Variants in ITGA4 observed in about 807,000 individuals in gnomAD.
ITGA4 encodes integrin subunit alpha 4, also known as integrin alpha-4.
In ITGA4, 63 loss-of-function variants were observed where a neutral mutation model predicts 133.6. The observed-to-expected ratio is 0.47, with a 90% confidence interval of 0.38 to 0.58. ITGA4 has a LOEUF of 0.58. Among genes scored for constraint, ITGA4 ranks in the 20% least tolerant of loss-of-function variants. ITGA4 has a pLI of 0.00. For synonymous variants in ITGA4, 483 were observed against 438.0 expected (o/e 1.10, Z -1.28); for missense variants, 1,076 against 1,252.7 (o/e 0.86, Z 2.13).
At chr2:181,499,230 C>T (rs773615734) in intron 15 of ITGA4, among the ~76,000 whole-genome samples, 9 of 152,034 alleles carry the variant, frequency 5.9e-5, no homozygotes, top group African/African-American at 1.9e-4. Flanking sequence ...TCTTTGTTTC[C>T]GTGCCAGCTT....
intron 25 of ITGA4, among the ~76,000 whole-genome samples, chr2:181,532,968 G>A (rs1686975118): frequency 6.6e-6 from 1 of 152,062 alleles, no homozygotes; most frequent in African/African-American, 2.4e-5. Flanking sequence ...TTTTATTGAA[G>A]CCCTTTTATT....
intron 8 of ITGA4, 30 bp from the exon 9 acceptor site, chr2:181,482,484 A>T: frequency 6.2e-7 from 1 of 1,613,372 alleles, no homozygotes; most frequent in Non-Finnish European, 8.5e-7. Context: ...CTTTTTTCTC[A>T]ATGAGTGGAT....
intron 25 of ITGA4, among the ~76,000 whole-genome samples, chr2:181,532,693 A>G (rs1686968185): frequency 1.3e-5 from 2 of 152,180 alleles, no homozygotes; most frequent in Non-Finnish European, 2.9e-5. Context: ...TCACCTGCAA[A>G]CAATTTGACT....
chr2:181,459,100 T>G (rs1023948770), intron 2 of ITGA4: 1 of 152,352 alleles, frequency 6.6e-6, no homozygotes, highest in East Asian at 1.9e-4. Context: ...TATATATTGC[T>G]TAACTTTTTT....
intron 9 of ITGA4, among the ~76,000 whole-genome samples, chr2:181,484,405 C>T (rs977117317): frequency 2.0e-5 from 3 of 152,114 alleles, no homozygotes; most frequent in African/African-American, 7.2e-5. Flanking sequence ...TGAAACTCTC[C>T]TTCCAGAACT....
At chr2:181,470,877 T>C (rs1315974810) in intron 2 of ITGA4, among the ~76,000 whole-genome samples, 1 of 151,898 alleles carries the variant, frequency 6.6e-6, no homozygotes, top group Non-Finnish European at 1.5e-5. Flanking sequence ...CCTATCTCCC[T>C]AAAAAATAAA....
At chr2:181,505,361 T>C (rs1195423169) in intron 15 of ITGA4, among the ~76,000 whole-genome samples, 1 of 152,034 alleles carries the variant, frequency 6.6e-6, no homozygotes, top group Non-Finnish European at 1.5e-5. Context: ...GTTGCTCAGC[T>C]CTCAAGTTGG....
At chr2:181,472,814 C>T (rs1460986163) in intron 2 of ITGA4, among the ~76,000 whole-genome samples, 1 of 152,108 alleles carries the variant, frequency 6.6e-6, no homozygotes, top group Non-Finnish European at 1.5e-5. Context: ...TCTGTTTTCC[C>T]CTTCTCTTTT....
At chr2:181,458,341 G>T (rs377469804) in intron 2 of ITGA4, 24 bp downstream of exon 2, 62 of 1,605,114 alleles carry the variant, frequency 3.9e-5, no homozygotes, top group Non-Finnish European at 5.1e-5. Context: ...GGGACCAGGA[G>T]TTAGTGACCT....
chr2:181,498,039 CAG>C (rs1686190166), intron 14 of ITGA4, among the ~76,000 whole-genome samples: 1 of 151,804 alleles, frequency 6.6e-6, no homozygotes, highest in Non-Finnish European at 1.5e-5. Context: ...CAATAACACA[CAG>C]AGGAAGGACA....
chr2:181,479,017 G>C (rs1685743774), intron 5 of ITGA4, 193 bp downstream of exon 5: 5 of 387,644 alleles, frequency 1.3e-5, no homozygotes, highest in Admixed American at 8.5e-5. Flanking sequence ...TCAATATTTA[G>C]GTGGCTATAC....
chr2:181,534,775 T>TTC (rs766969789), intron 26 of ITGA4, 41 bp from the exon 27 acceptor site: 2 of 1,535,658 alleles, frequency 1.3e-6, no homozygotes, highest in East Asian at 4.6e-5. Context: ...AACTGATTTT[T>TTC]TTTTTTGGTT....
At chr2:181,479,993 C>A (rs1247997189) in intron 5 of ITGA4, 144 bp from the exon 6 acceptor site, 2 of 460,206 alleles carry the variant, frequency 4.3e-6, no homozygotes, top group Non-Finnish European at 7.1e-6. Flanking sequence ...TTTTTTTTTC[C>A]TAGTATGTTT....
chr2:181,517,404 C>T (rs11902464), intron 17 of ITGA4, among the ~76,000 whole-genome samples: 148,803 of 152,174 alleles, frequency 0.98, 72,855 homozygotes, highest in Middle Eastern at 1. Context: ...CCTGGTGCTG[C>T]GGTACATCAT....
chr2:181,466,954 C>T (rs891929504), intron 2 of ITGA4, among the ~76,000 whole-genome samples: 1 of 152,100 alleles, frequency 6.6e-6, no homozygotes, highest in Non-Finnish European at 1.5e-5. Context: ...TTCTGTCATC[C>T]TCATAGCCCT....
chr2:181,479,102 A>G (rs1685745313), intron 5 of ITGA4: 1 of 236,280 alleles, frequency 4.2e-6, no homozygotes, highest in South Asian at 1.8e-4. Context: ...AAAAGTAGCT[A>G]TGGTTAATTG....
At chr2:181,475,732 T>A in intron 4 of ITGA4, 4 of 1,500,680 alleles carry the variant, frequency 2.7e-6, no homozygotes, top group Non-Finnish European at 3.6e-6. Context: ...CACTATCTCT[T>A]TTTCTAATTT....
chr2:181,528,782 C>G (rs1223929185), intron 22 of ITGA4, among the ~76,000 whole-genome samples: 1 of 152,170 alleles, frequency 6.6e-6, no homozygotes, highest in African/African-American at 2.4e-5. Flanking sequence ...TGGGATGCAT[C>G]TCTTTCTGAC....
At chr2:181,474,350 T>G (rs1016749151) in intron 2 of ITGA4, among the ~76,000 whole-genome samples, 4 of 152,256 alleles carry the variant, frequency 2.6e-5, no homozygotes, top group Non-Finnish European at 5.9e-5. Context: ...TGAGATAATC[T>G]GGTTTCCAAA....
Sources: gnomAD v4.1 joint callset for allele counts (sites outside exome capture counted in the v4.1 genomes callset) on GRCh38, gnomAD v4.1.1 for gene constraint, MANE v1.5 for transcripts, NCBI Gene and HGNC (gene_info 2026-07-23, HGNC 2026-07-21) for gene names.